The following TEC variants were observed in gnomAD, a reference collection of about 807,000 sequenced individuals.
TEC encodes the protein tyrosine-protein kinase Tec.
In TEC, 72 loss-of-function variants were observed where a neutral mutation model predicts 93.0. The observed-to-expected ratio is 0.77, with a 90% CI of 0.64 to 0.94. The LOEUF (loss-of-function observed/expected upper bound fraction) is 0.94, where lower values mean the gene tolerates loss of function less well. Among genes scored for constraint, TEC ranks in the 40% least tolerant of loss-of-function variants. TEC has a pLI of 0.00. For synonymous variants in TEC, 249 were observed against 247.7 expected (o/e 1.01, Z -0.05); for missense variants, 630 against 757.9 (o/e 0.83, Z 1.98).
intron 8 of TEC, 59 bp downstream of exon 8, chr4:48,163,643 T>A (rs1187123943): frequency 8.8e-7 from 1 of 1,130,132 alleles, no homozygotes; most frequent in African/African-American, 1.6e-5. Context: ...ATGCCTTACA[T>A]AATTAGGAAA....
intron 2 of TEC, among the ~76,000 whole-genome samples, chr4:48,187,051 A>G (rs1472961200): frequency 6.6e-6 from 1 of 152,290 alleles, no homozygotes; most frequent in African/African-American, 2.4e-5. Flanking sequence ...TGTAGAAAGA[A>G]GTAGACCTGG....
At chr4:48,220,428 T>TA (rs1188562871) in intron 2 of TEC, among the ~76,000 whole-genome samples, 3 of 151,978 alleles carry the variant, frequency 2.0e-5, no homozygotes, top group Non-Finnish European at 4.4e-5. Flanking sequence ...GGTGCCCTCC[T>TA]AGATGGTAAT....
chr4:48,154,944 C>T (rs1323511884), intron 9 of TEC, among the ~76,000 whole-genome samples: 2 of 152,148 alleles, frequency 1.3e-5, no homozygotes, highest in Non-Finnish European at 2.9e-5. Context: ...AATGATAAGG[C>T]TGACCAACAA....
At position 48,149,564 on chromosome 4, in the gene TEC, AT is replaced by A; in HGVS notation, c.998del (p.Asn333MetfsTer15). Reference sequence around the variant, plus strand: ...TTTTCACAGCTCACTTACCTGCTGCATTGTGCTTATGATATTCAATAATCTC... The same window carrying A: ...TTTTCACAGCTCACTTACCTGCTGCATGTGCTTATGATATTCAATAATCTC... Reference protein sequence around the residue: ...IPEIIEYHKHNAAGLVTRLRY... With the variant: ...IPEIIEYHKHXAAGLVTRLRY... On this transcript the variant is annotated frameshift_variant, in exon 11 of 18. Coordinates refer to ENST00000381501, the MANE Select transcript of TEC (RefSeq NM_003215.3). LOFTEE classifies it high-confidence loss of function. 6.2e-7 allele frequency: 1 copy of A among 1,603,592 alleles called. No homozygotes were observed. The highest frequency in any genetic ancestry group is 8.5e-7 in the Non-Finnish European group (1 of 1,176,640).
At chr4:48,139,483 C>T (rs1291072314) in intron 15 of TEC, among the ~76,000 whole-genome samples, 17 of 152,054 alleles carry the variant, frequency 1.1e-4, no homozygotes, top group Admixed American at 1.1e-3. Context: ...AAAACTACAG[C>T]ATATGAAAAT....
chr4:48,146,505 G>T, intron 11 of TEC, 106 bp from the exon 12 acceptor site: 1 of 971,192 alleles, frequency 1.0e-6, no homozygotes. Context: ...TTCATTTACT[G>T]CTCATCCTCT....
intron 2 of TEC, among the ~76,000 whole-genome samples, chr4:48,190,079 A>G (rs887005101): frequency 2.6e-5 from 4 of 152,250 alleles, no homozygotes; most frequent in African/African-American, 9.6e-5. Context: ...TTTAGATTTG[A>G]AAGCAATAAC....
chr4:48,267,928 T>C (rs1724681262), intron 1 of TEC, among the ~76,000 whole-genome samples: 1 of 152,210 alleles, frequency 6.6e-6, no homozygotes, highest in African/African-American at 2.4e-5. Flanking sequence ...GAGGTGTGGC[T>C]GGAGGCCCAA....
chr4:48,201,028 C>T (rs1235931650), intron 2 of TEC, among the ~76,000 whole-genome samples: 1 of 152,216 alleles, frequency 6.6e-6, no homozygotes, highest in Admixed American at 6.5e-5. Context: ...CTAACTGATA[C>T]AGAGGCTGCT....
intron 8 of TEC, among the ~76,000 whole-genome samples, chr4:48,159,927 A>G (rs2704436): frequency 0.81 from 123,548 of 152,102 alleles, 50,300 homozygotes; most frequent in East Asian, 0.92. Context: ...ATTCATCATG[A>G]GGGAGATCTC....
intron 2 of TEC, among the ~76,000 whole-genome samples, chr4:48,200,520 C>T (rs910832998): frequency 5.9e-5 from 9 of 152,118 alleles, no homozygotes; most frequent in East Asian, 1.9e-4. Context: ...CATTAGGATG[C>T]GGCAGAAATT....
At chr4:48,259,658 G>T (rs1396409378) in intron 1 of TEC, among the ~76,000 whole-genome samples, 19 of 150,780 alleles carry the variant, frequency 1.3e-4, no homozygotes, top group African/African-American at 4.6e-4. Context: ...GAAGATTGCA[G>T]TGAGTCGAGA....
chr4:48,179,877 T>A (rs1171995415), intron 2 of TEC, among the ~76,000 whole-genome samples: 1 of 152,114 alleles, frequency 6.6e-6, no homozygotes, highest in Non-Finnish European at 1.5e-5. Flanking sequence ...ATTAAATGAG[T>A]TAATATTTGC....
At position 48,258,381 on chromosome 4, in the gene TEC, G is replaced by A. The variant is rs143914346; in HGVS notation, c.-46+11371C>T. Among the ~76,000 whole-genome samples, 324 of 152,138 alleles carry A rather than the reference G, an allele frequency of 2.1e-3. 3 individuals are homozygous for A. The highest frequency in any genetic ancestry group is 6.3e-3 in the African/African-American group (261 of 41,504). Reference sequence around the variant, plus strand: ...GGTCTCAAACTCCTCAACCTCAAGTGATCCGCCCACCTTGGCCTCTCAAAG... The same window carrying A: ...GGTCTCAAACTCCTCAACCTCAAGTAATCCGCCCACCTTGGCCTCTCAAAG... On this transcript the variant is annotated intron_variant, in intron 1 of 17. Transcript: ENST00000381501.
chr4:48,158,462 G>A (rs16861070), intron 8 of TEC, among the ~76,000 whole-genome samples: 2,028 of 152,220 alleles, frequency 0.013, 48 homozygotes, highest in African/African-American at 0.043. Context: ...TAGTAAATTA[G>A]GAGAACAGAA....
At chr4:48,149,063 C>T (rs1458147832) in intron 11 of TEC, among the ~76,000 whole-genome samples, 1 of 152,156 alleles carries the variant, frequency 6.6e-6, no homozygotes. Context: ...TTTTCTTTAT[C>T]CTGTCTATCA....
At chr4:48,170,838 G>C (rs1721074374) in intron 4 of TEC, among the ~76,000 whole-genome samples, 2 of 152,168 alleles carry the variant, frequency 1.3e-5, no homozygotes, top group South Asian at 4.1e-4. Context: ...ATCACCTGAG[G>C]TCGGGAGTTC....
At chr4:48,177,974 T>A (rs548374020) in intron 2 of TEC, among the ~76,000 whole-genome samples, 1 of 152,338 alleles carries the variant, frequency 6.6e-6, no homozygotes, top group East Asian at 1.9e-4. Context: ...ACTGAGTCAA[T>A]TAAACCTCTT....
In TEC at chr4:48,159,535, A is replaced by G. The variant is rs192178520; in HGVS notation, c.738-2801T>C. ...AGCCTCCCAAGTAGCTGGGACTACA[A>G]CTACATGCCACCACGCTAATTTTTT... On this transcript the variant is annotated intron_variant, in intron 8 of 17. Transcript: ENST00000381501. 6.7e-3 allele frequency among the ~76,000 whole-genome samples: 1,003 copies of G among 149,402 alleles called. 9 individuals carry two copies. Among genetic ancestry groups the G allele is most frequent in the South Asian group, 0.015 (73 of 4,710 alleles).
Sources: allele counts gnomAD v4.1 joint callset (sites outside exome capture counted in the v4.1 genomes callset), GRCh38; gene constraint gnomAD v4.1.1; transcripts MANE v1.5; gene names NCBI Gene and HGNC (gene_info 2026-07-23, HGNC 2026-07-21).